Variants in NFATC1 observed in about 807,000 individuals in gnomAD.
NFATC1 encodes the protein nuclear factor of activated T cells 1.
NFATC1 carries 22 observed loss-of-function variants against 76.0 expected under a neutral mutation model. The ratio of observed to expected loss-of-function variants is 0.29; its 90% confidence interval spans 0.21 to 0.41. The LOEUF (loss-of-function observed/expected upper bound fraction) is 0.41, where lower values mean the gene tolerates loss of function less well. Ranked by LOEUF, NFATC1 falls within the 10% of genes least tolerant of loss-of-function variation. NFATC1 has a pLI of 1.00. For synonymous variants in NFATC1, 704 were observed against 613.1 expected, an observed-to-expected ratio of 1.15 and a Z score of -2.19; for missense variants, 1,357 against 1,337.7, an observed-to-expected ratio of 1.01 and a Z score of -0.23.
At chr18:79,523,334 C>T (rs1327703637) in intron 9 of NFATC1, among the ~76,000 whole-genome samples, 1 of 152,234 alleles carries the variant, frequency 6.6e-6, no homozygotes, top group East Asian at 1.9e-4. Flanking sequence ...TCATCATTCC[C>T]AGCATAGAGA....
chr18:79,515,464 T>G (rs2090357112), intron 9 of NFATC1, among the ~76,000 whole-genome samples: 1 of 148,204 alleles, frequency 6.7e-6, no homozygotes, highest in Admixed American at 6.7e-5. Context: ...GGGCGGGTGG[T>G]GGTGGTGGAT....
chr18:79,430,313 G>A (rs1568952203), intron 2 of NFATC1, among the ~76,000 whole-genome samples: 2 of 152,036 alleles, frequency 1.3e-5, no homozygotes, highest in African/African-American at 2.4e-5. Flanking sequence ...CCTCTCTCTC[G>A]CTGTCTCTTC....
At chr18:79,396,945 A>T (rs2085026298) in intron 1 of NFATC1, among the ~76,000 whole-genome samples, 2 of 152,206 alleles carry the variant, frequency 1.3e-5, no homozygotes, top group Admixed American at 6.5e-5. Context: ...AATTTAAGCC[A>T]TTTTGAAATC....
chr18:79,473,993 A>T (rs1268300254), intron 8 of NFATC1, among the ~76,000 whole-genome samples: 1 of 99,730 alleles, frequency 1.0e-5, no homozygotes, highest in African/African-American at 5.6e-5. Context: ...TTGCGAGGGA[A>T]GCGTTTTCAC....
rs976633961 is a variant in NFATC1, at chr18:79,524,562, G to A, written c.2783-2966G>A. On this transcript the variant is annotated intron_variant, in intron 9 of 9. Transcript: ENST00000427363. The surrounding 1 kb of genome is among the most constrained non-coding windows in gnomAD (Gnocchi z 7.2). ...AACACACTTGACCCGGCGCTGGGAC[G>A]GGGTCGGCCCACACGCACCGCCAGC... Among the ~76,000 whole-genome samples, 17 of 152,190 alleles carry A rather than the reference G, an allele frequency of 1.1e-4. No homozygotes were observed. Among genetic ancestry groups the A allele is most frequent in the Non-Finnish European group, 1.6e-4 (11 of 68,014 alleles).
At chr18:79,471,503 AGTC>A (rs1412314381) in intron 8 of NFATC1, among the ~76,000 whole-genome samples, 1 of 152,174 alleles carries the variant, frequency 6.6e-6, no homozygotes, top group African/African-American at 2.4e-5. Context: ...TTTTGTCTGA[AGTC>A]GTTTTAGTCG....
In NFATC1 at chr18:79,411,359, C is replaced by A. The variant is rs757935883; in HGVS notation, c.1084C>A (p.Pro362Thr). 1.9e-6 allele frequency: 3 copies of A among 1,588,958 alleles called. No individual in the cohort carries two copies. Among genetic ancestry groups the A allele is most frequent in the East Asian group, 4.5e-5 (2 of 44,668 alleles). Residue 362 changes from proline to threonine, a missense_variant, in exon 2 of 10, where the codon CCC becomes ACC. Coordinates refer to ENST00000427363, the MANE Select transcript of NFATC1 (RefSeq NM_001278669.2). ...PVGEDLGSPP[P>T]PADFAPEDYS... is the part of the protein sequence containing the mutation. Reference sequence around the variant, plus strand: ...CGGGGAGGACCTGGGCAGCCCCCCGCCCCCGGCCGACTTCGCGCCCGAAGA... The same window carrying A: ...CGGGGAGGACCTGGGCAGCCCCCCGACCCCGGCCGACTTCGCGCCCGAAGA...
chr18:79,434,813 C>A (rs115723486), intron 3 of NFATC1, among the ~76,000 whole-genome samples: 1 of 152,210 alleles, frequency 6.6e-6, no homozygotes, highest in African/African-American at 2.4e-5. Context: ...AGGGAATTAG[C>A]GGGCAGGGCG....
intron 2 of NFATC1, among the ~76,000 whole-genome samples, chr18:79,416,474 C>CTGTCCAGACCTCCG (rs75013554): frequency 0.41 from 61,877 of 151,888 alleles, 14,255 homozygotes; most frequent in African/African-American, 0.64. Flanking sequence ...TGGAGCCAGA[C>CTGTCCAGACCTCCG]TGTCCGCGGG....
At chr18:79,438,160 C>G (rs1223752175) in intron 3 of NFATC1, among the ~76,000 whole-genome samples, 2 of 152,230 alleles carry the variant, frequency 1.3e-5, no homozygotes, top group East Asian at 1.9e-4. Context: ...GCCCTGGTCA[C>G]TCTGCCTTGC....
intron 8 of NFATC1, chr18:79,470,095 G>A: frequency 1.3e-6 from 1 of 759,986 alleles, no homozygotes; most frequent in South Asian, 5.9e-5. Context: ...GGACGCCGAG[G>A]CCGCTCCAGG....
At position 79,529,318 on chromosome 18, in the gene NFATC1, G is replaced by T. The variant is rs1036097161; in HGVS notation, c.*1741G>T. ...AGATCCAATAAAGCCGTATTTTTTT[G>T]CTGGACAGGCGTAGTCTGCGAGTGG... On this transcript the variant is annotated 3_prime_UTR_variant, in exon 10 of 10. Transcript: ENST00000427363. 5 of 152,104 alleles carry T rather than the reference G, an allele frequency of 3.3e-5. No homozygotes were observed. The highest frequency in any genetic ancestry group is 7.4e-5 in the Non-Finnish European group (5 of 68,014). The allele number at this position is 152,104 out of a possible 1,614,324, so 9.4% of individuals were successfully genotyped here.
chr18:79,447,735 T>G (rs940571692), intron 3 of NFATC1, among the ~76,000 whole-genome samples: 1 of 152,256 alleles, frequency 6.6e-6, no homozygotes, highest in Non-Finnish European at 1.5e-5. Context: ...CAAACGTTCC[T>G]GTTCCAAACC....
intron 3 of NFATC1, among the ~76,000 whole-genome samples, chr18:79,447,275 C>T (rs116636809): frequency 0.013 from 2,051 of 152,354 alleles, 49 homozygotes; most frequent in African/African-American, 0.046. Context: ...CCGCCGTCCC[C>T]TGGCCCGGGC....
chr18:79,426,432 C>A (rs949585095), intron 2 of NFATC1, among the ~76,000 whole-genome samples: 4 of 152,152 alleles, frequency 2.6e-5, no homozygotes, highest in Admixed American at 6.5e-5. Flanking sequence ...ATGCCACGTC[C>A]CATGCCGCTT....
At chr18:79,485,780 T>G (rs914616005) in intron 8 of NFATC1, among the ~76,000 whole-genome samples, 7 of 152,244 alleles carry the variant, frequency 4.6e-5, no homozygotes, top group African/African-American at 1.4e-4. Context: ...GACGGACGGC[T>G]TCTCTCCTGG....
At chr18:79,411,572 G>T in intron 2 of NFATC1, 71 bp downstream of exon 2, 2 of 1,167,580 alleles carry the variant, frequency 1.7e-6, no homozygotes, top group Non-Finnish European at 2.1e-6. Context: ...GCGGGGAGCG[G>T]GACGGGGGGC....
chr18:79,418,543 G>A (rs1014479949), intron 2 of NFATC1, among the ~76,000 whole-genome samples: 47 of 152,230 alleles, frequency 3.1e-4, no homozygotes, highest in Admixed American at 5.2e-4. Context: ...GCCTTCTGGG[G>A]TCAGAGCCCA....
intron 8 of NFATC1, chr18:79,470,119 G>A (rs980520764): frequency 4.1e-5 from 19 of 467,506 alleles, no homozygotes; most frequent in African/African-American, 6.4e-5. Context: ...TGCGTCCTCC[G>A]TGCTGTGCAT....
Sources: allele counts gnomAD v4.1 joint callset (sites outside exome capture counted in the v4.1 genomes callset), GRCh38; gene constraint gnomAD v4.1.1; non-coding constraint Gnocchi (gnomAD v3.1); transcripts MANE v1.5; gene names NCBI Gene and HGNC (gene_info 2026-07-23, HGNC 2026-07-21).